SPPL3: variants seen among roughly 807,000 people sequenced by gnomAD.
SPPL3 encodes the protein signal peptide peptidase like 3, also known as signal peptide peptidase-like 3.
In SPPL3, 5 loss-of-function variants were observed where a neutral mutation model predicts 42.4. That is an observed-to-expected ratio of 0.12 (90% CI 0.06 to 0.25). The LOEUF (loss-of-function observed/expected upper bound fraction) is 0.25, where lower values mean the gene tolerates loss of function less well. Among genes scored for constraint, SPPL3 ranks in the 10% least tolerant of loss-of-function variants. SPPL3 has a pLI of 1.00. For missense variants in SPPL3, 235 were observed against 489.0 expected (o/e 0.48, Z 4.90); for synonymous variants, 195 against 181.8 (o/e 1.07, Z -0.58).
At chr12:120,822,397 AAT>A (rs1871098998) in intron 1 of SPPL3, among the ~76,000 whole-genome samples, 1 of 152,230 alleles carries the variant, frequency 6.6e-6, no homozygotes, top group Admixed American at 6.5e-5. Context: ...TAATGCTGAT[AAT>A]AGTTTTAGAA....
chr12:120,810,969 C>T (rs1187969907), intron 1 of SPPL3, 83 bp from the exon 2 acceptor site: 1 of 871,678 alleles, frequency 1.1e-6, no homozygotes, highest in Non-Finnish European at 1.8e-6. Context: ...TCTATAAACC[C>T]CACTGAGCTT....
chr12:120,848,243 GTGT>G (rs1309757108), intron 1 of SPPL3, among the ~76,000 whole-genome samples: 4 of 152,192 alleles, frequency 2.6e-5, no homozygotes, highest in African/African-American at 9.7e-5. Context: ...TGTATTTGCA[GTGT>G]TGTTCTCCAA....
chr12:120,791,686 T>C (rs562282255), intron 2 of SPPL3, 129 bp from the exon 3 acceptor site: 6 of 641,634 alleles, frequency 9.4e-6, no homozygotes, highest in African/African-American at 3.7e-5. Flanking sequence ...CTCTGAAAAA[T>C]AGCTCTTGTA....
Position 120,784,597 on chromosome 12 carries a change from A to G in SPPL3, c.191-4T>C. 6.2e-7 allele frequency: 1 copy of G among 1,600,838 alleles called. No individual in the cohort carries two copies. The highest frequency in any genetic ancestry group is 2.2e-5 in the East Asian group (1 of 44,706). On this transcript the variant is annotated splice_region_variant and splice_polypyrimidine_tract_variant and intron_variant, in intron 3 of 10. Coordinates refer to ENST00000353487, the MANE Select transcript of SPPL3 (RefSeq NM_139015.5). ...GTAGAGTCAATTGTTTGGATGCCTG[A>G]AAGAGAAAAACAGACAGATTAATAA...
intron 1 of SPPL3, among the ~76,000 whole-genome samples, chr12:120,902,475 T>C (rs1273795991): frequency 2.0e-5 from 3 of 152,234 alleles, no homozygotes; most frequent in African/African-American, 4.8e-5. Flanking sequence ...GTAAGATCTG[T>C]GGCACTTCAC....
In SPPL3 at chr12:120,764,227, T is replaced by C. The variant is rs1306897182; in HGVS notation, c.*772A>G. ...GGAAGCCACAGTAAACTGCTCGACA[T>C]GCTCAAAACGACAGCAAGCCCCTGT... On this transcript the variant is annotated 3_prime_UTR_variant, in exon 11 of 11. Transcript: ENST00000353487. 1.3e-5 allele frequency: 2 copies of C among 152,366 alleles called. No individual in the cohort carries two copies. Among genetic ancestry groups the C allele is most frequent in the Non-Finnish European group, 2.9e-5 (2 of 68,044 alleles). The allele number at this position is 152,366 out of a possible 1,614,324, so 9.4% of individuals were successfully genotyped here.
intron 6 of SPPL3, among the ~76,000 whole-genome samples, chr12:120,777,367 C>T (rs947605894): frequency 1.3e-5 from 2 of 152,178 alleles, no homozygotes; most frequent in African/African-American, 4.8e-5. Flanking sequence ...TATTGTATAA[C>T]ACATATTTTT....
intron 2 of SPPL3, 84 bp downstream of exon 2, chr12:120,810,725 G>A (rs866821488): frequency 4.9e-6 from 5 of 1,026,384 alleles, no homozygotes; most frequent in Non-Finnish European, 6.0e-6. Context: ...TCTTCACAGA[G>A]TAAGTTTTGG....
intron 1 of SPPL3, among the ~76,000 whole-genome samples, chr12:120,830,698 C>T (rs559093131): frequency 6.6e-6 from 1 of 150,916 alleles, no homozygotes; most frequent in East Asian, 2.0e-4. Context: ...AATCCCATTA[C>T]TTATCTCATA....
chr12:120,793,431 G>A (rs1208190043), intron 2 of SPPL3, among the ~76,000 whole-genome samples: 6 of 152,178 alleles, frequency 3.9e-5, no homozygotes, highest in Admixed American at 6.5e-5. Flanking sequence ...GGAGGTCAAG[G>A]CTGATGGCAC....
intron 1 of SPPL3, among the ~76,000 whole-genome samples, chr12:120,886,131 C>T (rs1325318716): frequency 2.0e-5 from 3 of 151,280 alleles, no homozygotes; most frequent in Admixed American, 6.6e-5. Flanking sequence ...GCGTGAGCCA[C>T]CACGCCCGGC....
In SPPL3 at chr12:120,766,098, G is replaced by GCACACA. The variant is rs750703823; in HGVS notation, c.1083+164_1083+165insTGTGTG. ...TTGCTAACGCCAGGGTAGCGCGCGC[G>GCACACA]CGCACACACACACACACACACACAC... is the stretch of plus-strand genomic sequence containing the variant. On this transcript the variant is annotated intron_variant, in intron 10 of 10. Coordinates refer to ENST00000353487, the MANE Select transcript of SPPL3 (RefSeq NM_139015.5). Among the ~76,000 whole-genome samples the GCACACA allele has an allele frequency of 8.0e-3, 1,155 of 143,982 alleles. 21 individuals carry two copies. The highest frequency in any genetic ancestry group is 0.067 in the East Asian group (316 of 4,736). 94.5% of individuals were successfully genotyped at this position (143,982 alleles called of 152,430 possible).
chr12:120,881,755 T>C (rs1260726075), intron 1 of SPPL3, among the ~76,000 whole-genome samples: 6 of 149,426 alleles, frequency 4.0e-5, no homozygotes, highest in East Asian at 2.0e-4. Context: ...ACGCTAAATA[T>C]AGATGAAGCT....
At chr12:120,854,346 A>G (rs564891060) in intron 1 of SPPL3, among the ~76,000 whole-genome samples, 2 of 152,346 alleles carry the variant, frequency 1.3e-5, no homozygotes, top group Admixed American at 6.5e-5. Flanking sequence ...TGTTTTGGTG[A>G]TAAGTGTTGA....
In SPPL3 at chr12:120,767,478, A is replaced by G. The variant is rs1293394669; in HGVS notation, c.889T>C (p.Cys297Arg). The G allele has an allele frequency of 1.2e-6, 2 of 1,614,184 alleles. No individual in the cohort carries two copies. The highest frequency in any genetic ancestry group is 2.2e-5 in the East Asian group (1 of 44,886). ...NYKKQASGDS[C>R]GAPGPANISG... ...ATGTTGGCAGGTCCAGGGGCCCCAC[A>G]GGAGTCCCCACTGGCTTGCTTTTTG... The change falls in exon 9 of 11, where the codon TGT (cysteine) becomes CGT (arginine). Residue 297 changes from cysteine (C) to arginine (R), a missense_variant. Physicochemically the swap from Cys to Arg is radical, Grantham distance 180. Transcript: ENST00000353487.
chr12:120,887,869 G>A (rs1873511395), intron 1 of SPPL3, among the ~76,000 whole-genome samples: 1 of 152,110 alleles, frequency 6.6e-6, no homozygotes, highest in Non-Finnish European at 1.5e-5. Flanking sequence ...ACAAGTGTTG[G>A]TGAAGACGTG....
chr12:120,764,215 A>T lies in SPPL3; in HGVS notation c.*784T>A, dbSNP rs1307365514. On this transcript the variant is annotated 3_prime_UTR_variant, in exon 11 of 11. Coordinates refer to ENST00000353487, the MANE Select transcript of SPPL3 (RefSeq NM_139015.5). ...ATCCATATACAAGGAAGCCACAGTA[A>T]ACTGCTCGACATGCTCAAAACGACA... 6.6e-6 allele frequency: 1 copy of T among 152,352 alleles called. No individual in the cohort carries two copies. The highest frequency in any genetic ancestry group is 2.4e-5 in the African/African-American group (1 of 41,454). 9.4% of individuals were successfully genotyped at this position (152,352 alleles called of 1,614,324 possible).
intron 3 of SPPL3, among the ~76,000 whole-genome samples, chr12:120,789,980 TGTA>T (rs1869861403): frequency 6.6e-6 from 1 of 152,122 alleles, no homozygotes; most frequent in African/African-American, 2.4e-5. Flanking sequence ...TGTGATGCAA[TGTA>T]CAGCAGATTT....
chr12:120,765,560 G>C (rs1868857592), intron 10 of SPPL3, among the ~76,000 whole-genome samples: 1 of 152,114 alleles, frequency 6.6e-6, no homozygotes, highest in African/African-American at 2.4e-5. Context: ...TTACAGGCGT[G>C]AGCCACCATG....
Sources: gnomAD v4.1 joint callset for allele counts (sites outside exome capture counted in the v4.1 genomes callset) on GRCh38, gnomAD v4.1.1 for gene constraint, MANE v1.5 for transcripts, NCBI Gene and HGNC (gene_info 2026-07-23, HGNC 2026-07-21) for gene names.